AUTS2: variants seen among roughly 807,000 people sequenced by gnomAD.
AUTS2 encodes autism susceptibility gene 2 protein.
Under a neutral mutation model 112.4 loss-of-function variants are expected in AUTS2, and 17 were observed. The observed-to-expected ratio is 0.15, with a 90% confidence interval of 0.10 to 0.23. The LOEUF is 0.23. Among genes scored for constraint, AUTS2 ranks in the 10% least tolerant of loss-of-function variants. AUTS2 has a pLI of 1.00. For synonymous variants in AUTS2, 751 were observed against 702.7 expected (o/e 1.07, Z -1.09); for missense variants, 1,510 against 1,701.6 (o/e 0.89, Z 1.98).
At chr7:70,332,997 A>C (rs919945117) in intron 4 of AUTS2, among the ~76,000 whole-genome samples, 1 of 152,248 alleles carries the variant, frequency 6.6e-6, no homozygotes, top group African/African-American at 2.4e-5. Context: ...TCCGCACAGC[A>C]AAAGAAACTA....
At chr7:70,498,518 T>C (rs976570318) in intron 5 of AUTS2, among the ~76,000 whole-genome samples, 1 of 152,104 alleles carries the variant, frequency 6.6e-6, no homozygotes, top group Non-Finnish European at 1.5e-5. Context: ...CTCAAGTGTT[T>C]CTCTTAAATG....
In AUTS2 at chr7:70,764,126, C is replaced by T. The variant is rs1002832585; in HGVS notation, c.1215-626C>T. ...TTGTTACTGTTTTTCTTTTGAAAAC[C>T]TGGTGGCTTTGGTGGTTCCGGGCCT... On this transcript the variant is annotated intron_variant, in intron 7 of 18. Transcript: ENST00000342771. Among the ~76,000 whole-genome samples, 15 of 152,248 alleles carry T rather than the reference C, an allele frequency of 9.9e-5. No homozygotes were observed. The East Asian group carries it at 2.3e-3, about 24-fold the overall frequency.
chr7:70,337,492 C>T (rs1044770252), intron 4 of AUTS2, among the ~76,000 whole-genome samples: 4 of 152,152 alleles, frequency 2.6e-5, no homozygotes, highest in East Asian at 1.9e-4. Context: ...CTTTATGTAG[C>T]GTGCACTGTT....
At chr7:70,675,773 G>A (rs548409325) in intron 5 of AUTS2, among the ~76,000 whole-genome samples, 23 of 152,314 alleles carry the variant, frequency 1.5e-4, no homozygotes, top group Non-Finnish European at 2.6e-4. Context: ...CTCACAGAAC[G>A]GCGTCTGGGT....
intron 4 of AUTS2, among the ~76,000 whole-genome samples, chr7:70,295,108 C>A (rs546042664): frequency 6.6e-6 from 1 of 152,188 alleles, no homozygotes. Context: ...GCTCCCAGCT[C>A]ATAAAATAGA....
Position 70,132,060 on chromosome 7 carries a change from C to T in AUTS2, c.625-2476C>T, listed in dbSNP as rs113159580. 1.6e-3 allele frequency among the ~76,000 whole-genome samples: 245 copies of T among 150,086 alleles called. 6 individuals carry two copies. Among genetic ancestry groups the T allele is most frequent in the African/African-American group, 5.7e-3 (231 of 40,772 alleles). ...AAGGGTTTAAGAGGGGAGGAAATGT[C>T]AATGCCATGGACATTTGGCAAAGTC... On this transcript the variant is annotated intron_variant, in intron 3 of 18. Coordinates refer to ENST00000342771, the MANE Select transcript of AUTS2 (RefSeq NM_015570.4).
Position 70,578,754 on chromosome 7 carries a change from G to T in AUTS2, c.691-119815G>T, listed in dbSNP as rs186702861. On this transcript the variant is annotated intron_variant, in intron 5 of 18. Coordinates refer to ENST00000342771, the MANE Select transcript of AUTS2 (RefSeq NM_015570.4). ...TACTTAGCCATATTATCATGATTTG[G>T]TTTTTTTTAATTAAGACTGTTTTGG... Among the ~76,000 whole-genome samples, 303 of 151,762 alleles carry T rather than the reference G, an allele frequency of 2.0e-3. 2 individuals carry two copies. Among genetic ancestry groups the T allele is most frequent in the Middle Eastern group, 3.4e-3 (1 of 294 alleles).
chr7:70,387,082 A>G (rs1793645210), intron 4 of AUTS2, among the ~76,000 whole-genome samples: 1 of 152,106 alleles, frequency 6.6e-6, no homozygotes, highest in South Asian at 2.1e-4. Flanking sequence ...CCACGTTCAC[A>G]CTTTTTAAAA....
chr7:70,356,339 G>T lies in AUTS2; in HGVS notation c.661-79413G>T, dbSNP rs375865905. 1.6e-4 allele frequency among the ~76,000 whole-genome samples: 23 copies of T among 148,252 alleles called. No homozygotes were observed. In the East Asian group the frequency reaches 3.9e-3, roughly 25 times the overall value. ...GACTGAAGTACTAGGGGATGTGTGT[G>T]AAGGGAAGTAGCCTCTAATTTCTTC... is the stretch of plus-strand genomic sequence containing the variant. On this transcript the variant is annotated intron_variant, in intron 4 of 18. Transcript: ENST00000342771.
At chr7:70,123,314 A>G (rs1805787637) in intron 3 of AUTS2, among the ~76,000 whole-genome samples, 1 of 152,090 alleles carries the variant, frequency 6.6e-6, no homozygotes, top group African/African-American at 2.4e-5. Context: ...TTATTTTTTT[A>G]CTTTTATTTT....
chr7:69,606,869 G>A (rs1371038707), intron 1 of AUTS2, among the ~76,000 whole-genome samples: 1 of 152,192 alleles, frequency 6.6e-6, no homozygotes, highest in Non-Finnish European at 1.5e-5. Context: ...TCCCCTCTGG[G>A]AGGTGAAGAG....
intron 5 of AUTS2, among the ~76,000 whole-genome samples, chr7:70,629,122 A>G (rs1273122815): frequency 6.6e-6 from 1 of 152,158 alleles, no homozygotes; most frequent in Non-Finnish European, 1.5e-5. Context: ...CACCTAATGC[A>G]AGAAGAGGTC....
chr7:70,444,126 A>G (rs1372489151), intron 5 of AUTS2, among the ~76,000 whole-genome samples: 1 of 152,120 alleles, frequency 6.6e-6, no homozygotes, highest in African/African-American at 2.4e-5. Context: ...TATCAGCCCC[A>G]TGAAATTGAC....
At chr7:69,729,306 C>T (rs972268822) in intron 1 of AUTS2, among the ~76,000 whole-genome samples, 2 of 151,494 alleles carry the variant, frequency 1.3e-5, no homozygotes, top group South Asian at 2.1e-4. Flanking sequence ...AACACATACT[C>T]GCATGCACAC....
chr7:69,663,336 CCT>C (rs1470354079), intron 1 of AUTS2: 1 of 150,562 alleles, frequency 6.6e-6, no homozygotes, highest in African/African-American at 2.4e-5. Context: ...TTTTTTTTGG[CCT>C]GAGAGGTAGT....
At chr7:70,394,022 G>A (rs755796086) in intron 4 of AUTS2, among the ~76,000 whole-genome samples, 1 of 152,132 alleles carries the variant, frequency 6.6e-6, no homozygotes, top group Non-Finnish European at 1.5e-5. Context: ...TAAAACTGCT[G>A]GTTGTTATTG....
At chr7:70,607,367 T>C (rs933772802) in intron 5 of AUTS2, among the ~76,000 whole-genome samples, 2 of 152,286 alleles carry the variant, frequency 1.3e-5, no homozygotes, top group East Asian at 3.9e-4. Context: ...AAAGCCTATA[T>C]TTAAAAACGA....
chr7:69,970,527 C>G (rs1797806079), intron 2 of AUTS2, among the ~76,000 whole-genome samples: 2 of 152,150 alleles, frequency 1.3e-5, no homozygotes, highest in Non-Finnish European at 2.9e-5. Flanking sequence ...CCCAAAGGAG[C>G]TGTTTTAGTT....
At chr7:69,754,394 A>G (rs979053172) in intron 1 of AUTS2, among the ~76,000 whole-genome samples, 4 of 152,002 alleles carry the variant, frequency 2.6e-5, no homozygotes, top group African/African-American at 9.7e-5. Flanking sequence ...TTAGACTTTT[A>G]CTCTGTAAGA....
Sources: allele counts gnomAD v4.1 joint callset (sites outside exome capture counted in the v4.1 genomes callset), GRCh38; gene constraint gnomAD v4.1.1; transcripts MANE v1.5; gene names NCBI Gene and HGNC (gene_info 2026-07-23, HGNC 2026-07-21).